The following DOCK9 variants were observed in gnomAD, a reference collection of about 807,000 sequenced individuals.
DOCK9 encodes dedicator of cytokinesis 9.
A neutral mutation model predicts 263.3 loss-of-function variants in DOCK9; 89 were observed. The observed-to-expected ratio is 0.34, with a 90% CI of 0.28 to 0.40. The LOEUF is 0.40. DOCK9 is among the 10% of genes least tolerant of loss of function. The pLI, the probability that DOCK9 is intolerant of heterozygous loss-of-function variation, is 1.00. For missense variants in DOCK9, 2,140 were observed against 2,603.4 expected (o/e 0.82, Z 3.87); for synonymous variants, 976 against 973.1 (o/e 1.00, Z -0.06).
chr13:98,831,519 T>C lies in DOCK9; in HGVS notation c.4464A>G (p.Thr1488=), dbSNP rs2092762203. Residue 1488 remains threonine (T), a synonymous_variant, in exon 41 of 53, where the codon ACA becomes ACG. Transcript: ENST00000682017. ...ACATGTCCGCTCTCCCTTCATAGAA[T>C]GTTGAGGGAAACTAGACAGGATGAG... ...LRSLIYKFPS[T]FYEGRADMCA... The C allele has an allele frequency of 1.9e-6, 3 of 1,586,290 alleles. No individual in the cohort carries two copies. Among genetic ancestry groups the C allele is most frequent in the Admixed American group, 1.8e-5 (1 of 55,178 alleles).
intron 1 of DOCK9, among the ~76,000 whole-genome samples, chr13:99,022,361 G>A (rs952617057): frequency 7.2e-5 from 11 of 152,222 alleles, no homozygotes; most frequent in African/African-American, 2.2e-4. Context: ...AGTCAGGTCT[G>A]TTGCTAATAG....
intron 2 of DOCK9, among the ~76,000 whole-genome samples, chr13:98,954,759 A>C (rs967378597): frequency 2.6e-5 from 4 of 152,092 alleles, no homozygotes; most frequent in African/African-American, 7.2e-5. Flanking sequence ...TAAGATTCTA[A>C]GGTACTTGGC....
At chr13:98,902,048 A>G in intron 12 of DOCK9, 148 bp from the exon 13 acceptor site, 1 of 1,120,066 alleles carries the variant, frequency 8.9e-7, no homozygotes. Context: ...ACAGTTCATC[A>G]TCTGCTCAAA....
At chr13:98,884,743 A>G (rs553315552) in intron 21 of DOCK9, among the ~76,000 whole-genome samples, 2 of 152,344 alleles carry the variant, frequency 1.3e-5, no homozygotes, top group East Asian at 3.9e-4. Context: ...CCGCTGAGAC[A>G]CCACTAGTTC....
chr13:99,074,325 TG>T (rs1566393010), intron 1 of DOCK9, among the ~76,000 whole-genome samples: 1 of 152,240 alleles, frequency 6.6e-6, no homozygotes, highest in Non-Finnish European at 1.5e-5. Flanking sequence ...CCAGGATCTT[TG>T]TAAGGGCTGA....
chr13:99,078,961 T>C (rs1000596193), intron 1 of DOCK9, among the ~76,000 whole-genome samples: 4 of 152,244 alleles, frequency 2.6e-5, no homozygotes, highest in African/African-American at 9.6e-5. Flanking sequence ...TTCTGGTTTA[T>C]GTTAAAGACT....
intron 1 of DOCK9, among the ~76,000 whole-genome samples, chr13:99,057,332 G>A (rs572323330): frequency 6.6e-6 from 1 of 152,266 alleles, no homozygotes; most frequent in South Asian, 2.1e-4. Context: ...TTGACATATT[G>A]GGCCTGAAAT....
At position 98,902,291 on chromosome 13, in the gene DOCK9, C is replaced by T; in HGVS notation, c.1377G>A (p.Lys459=). ...ILHEAAMQYP[K]QGIFSVTCPH... ...ATGCTGGGCTCATACTCCCCACCTG[C>T]TTCGGATACTGCATGGCGGCTTCAT... Residue 459 remains lysine (K), a synonymous_variant, in exon 12 of 53, where the codon AAG becomes AAA. Transcript: ENST00000682017. The T allele has an allele frequency of 1.2e-6, 2 of 1,613,520 alleles. No individual in the cohort carries two copies. The highest frequency in any genetic ancestry group is 1.3e-5 in the African/African-American group (1 of 75,044).
intron 1 of DOCK9, among the ~76,000 whole-genome samples, chr13:99,084,228 G>T (rs985789985): frequency 2.0e-5 from 3 of 152,174 alleles, no homozygotes; most frequent in Admixed American, 1.3e-4. Context: ...GGAGGTGGGG[G>T]GATGAGGTGT....
At chr13:98,886,153 C>G (rs948561663) in intron 19 of DOCK9, among the ~76,000 whole-genome samples, 1 of 152,118 alleles carries the variant, frequency 6.6e-6, no homozygotes, top group African/African-American at 2.4e-5. Flanking sequence ...AGCATGCATA[C>G]AGTGGTTTCA....
Position 98,829,861 on chromosome 13 carries a change from G to A in DOCK9, c.4636-105C>T. The A allele has an allele frequency of 4.3e-6, 4 of 921,944 alleles. No homozygotes were observed. Among genetic ancestry groups the A allele is most frequent in the Non-Finnish European group, 6.8e-6 (4 of 585,340 alleles). 57.1% of individuals were successfully genotyped at this position (921,944 alleles called of 1,614,324 possible). On this transcript the variant is annotated intron_variant, in intron 41 of 52. Coordinates refer to ENST00000682017, the MANE Select transcript of DOCK9 (RefSeq NM_001366683.2). The surrounding 1 kb of genome is among the most constrained non-coding windows in gnomAD (Gnocchi z 4.1). ...GTGCCTAAGGACCCAGCAAAGTGGG[G>A]GTTGGGGGGTGCTTTGAGCAGGGGT...
chr13:98,948,443 C>T (rs1351129062), intron 2 of DOCK9, among the ~76,000 whole-genome samples: 2 of 152,214 alleles, frequency 1.3e-5, no homozygotes, highest in African/African-American at 4.8e-5. Flanking sequence ...ACTCCTCAAC[C>T]TGATTTTGCA....
rs2139926690 is a variant in DOCK9 at position 98,800,252 on chromosome 13, C to G, written c.5916+36G>C. The G allele has an allele frequency of 2.6e-6, 4 of 1,545,110 alleles. No homozygotes were observed. The East Asian group carries it at 9.6e-5, about 37-fold the overall frequency. ...TCAAGTCACCCAGGGGCAAGGACGT[C>G]CCCTGCTGCCCTCCGGCCTGCTGTG... On this transcript the variant is annotated intron_variant, in intron 50 of 52. Coordinates refer to ENST00000682017, the MANE Select transcript of DOCK9 (RefSeq NM_001366683.2).
chr13:98,888,188 A>T lies in DOCK9; in HGVS notation c.2013T>A (p.Asp671Glu). ...RNIAICIEFK[D>E]SDEEDSQPLK... is the part of the protein sequence containing the mutation. Reference sequence around the variant, plus strand: ...GGGGCTGAGAGTCTTCCTCATCTGAATCTTTGAATTCAATGCAAATCGCAA... The same window carrying T: ...GGGGCTGAGAGTCTTCCTCATCTGATTCTTTGAATTCAATGCAAATCGCAA... Residue 671 changes from aspartate (D) to glutamate (E), a missense_variant, in exon 18 of 53, where the codon GAT (aspartate) becomes GAA (glutamate). Physicochemically the swap from Asp to Glu is conservative, Grantham distance 45 (BLOSUM62 2). This residue lies in a region of DOCK9 where 1,521 missense variants were observed against 1,741.7 expected (regional missense o/e 0.87). Coordinates refer to ENST00000682017, the MANE Select transcript of DOCK9 (RefSeq NM_001366683.2). 6.2e-7 allele frequency: 1 copy of T among 1,609,496 alleles called. No homozygotes were observed. Among genetic ancestry groups the T allele is most frequent in the Non-Finnish European group, 8.5e-7 (1 of 1,177,748 alleles).
chr13:98,919,569 T>C (rs960543297), intron 7 of DOCK9, among the ~76,000 whole-genome samples: 8 of 152,216 alleles, frequency 5.3e-5, no homozygotes, highest in African/African-American at 1.7e-4. Context: ...TGATCAGCCA[T>C]CATGGAGTTA....
intron 26 of DOCK9, 24 bp downstream of exon 26, chr13:98,880,523 G>C (rs758023724): frequency 6.2e-7 from 1 of 1,613,544 alleles, no homozygotes; most frequent in East Asian, 2.2e-5. Flanking sequence ...TTCAATCAGA[G>C]CCACACTGAC....
chr13:98,817,706 A>G (rs762927418), intron 45 of DOCK9, among the ~76,000 whole-genome samples: 24 of 150,406 alleles, frequency 1.6e-4, no homozygotes, highest in Middle Eastern at 3.4e-3. Flanking sequence ...GTATTGATAT[A>G]TGATATAATG....
At position 98,955,447 on chromosome 13, in the gene DOCK9, G is replaced by T; in HGVS notation, c.231C>A (p.Tyr77Ter). The T allele has an allele frequency of 1.3e-6, 2 of 1,585,832 alleles. No individual in the cohort carries two copies. The highest frequency in any genetic ancestry group is 1.3e-5 in the African/African-American group (1 of 74,598). Residue 77 changes from tyrosine to a stop codon, truncating the protein, a stop_gained, in exon 2 of 53, where the codon TAC (tyrosine) becomes TAA (stop). Coordinates refer to ENST00000682017, the MANE Select transcript of DOCK9 (RefSeq NM_001366683.2). LOFTEE classifies it high-confidence loss of function. ...TAACGTTACTTACCTGAAAGTCATC[G>T]TAAGGGAAGAGCAGCATCTCCCGTA... is the stretch of plus-strand genomic sequence containing the variant. Reference protein sequence around the residue: ...DCLREMLLFPYDDFQTAILRR... With the variant: ...DCLREMLLFP
chr13:98,969,936 G>T (rs532813366), intron 1 of DOCK9, among the ~76,000 whole-genome samples: 1 of 152,286 alleles, frequency 6.6e-6, no homozygotes, highest in East Asian at 1.9e-4. Context: ...TCTCTGCAAA[G>T]GAAGAGTCAG....
Sources: allele counts gnomAD v4.1 joint callset (sites outside exome capture counted in the v4.1 genomes callset), GRCh38; gene constraint gnomAD v4.1.1; regional missense constraint gnomAD v4.1.1; non-coding constraint Gnocchi (gnomAD v3.1); transcripts MANE v1.5; gene names NCBI Gene and HGNC (gene_info 2026-07-23, HGNC 2026-07-21).